CNTN4: variants seen among roughly 807,000 people sequenced by gnomAD.
CNTN4 encodes the protein contactin-4.
In CNTN4, 77 loss-of-function variants were observed where a neutral mutation model predicts 122.5. That is an observed-to-expected ratio of 0.63 (90% confidence interval 0.52 to 0.76). CNTN4 has a LOEUF of 0.76. Among genes scored for constraint, CNTN4 ranks in the 30% least tolerant of loss-of-function variants. The pLI is 0.00. For synonymous variants in CNTN4, 512 were observed against 447.0 expected, an observed-to-expected ratio of 1.15 and a Z score of -1.83; for missense variants, 1,256 against 1,259.1, an observed-to-expected ratio of 1.00 and a Z score of 0.04.
At chr3:2,191,950 G>A (rs1014578949) in intron 2 of CNTN4, among the ~76,000 whole-genome samples, 2 of 151,316 alleles carry the variant, frequency 1.3e-5, no homozygotes, top group African/African-American at 2.4e-5. Flanking sequence ...TCATTGTTCA[G>A]TTCCCACCTA....
intron 17 of CNTN4, 66 bp downstream of exon 17, chr3:3,034,856 A>G: frequency 6.5e-7 from 1 of 1,535,934 alleles, no homozygotes; most frequent in Non-Finnish European, 9.0e-7. Context: ...GCACTGTGGC[A>G]AGGAACGTCT....
chr3:3,046,713 G>A (rs1455100616), intron 23 of CNTN4, among the ~76,000 whole-genome samples: 1 of 152,108 alleles, frequency 6.6e-6, no homozygotes, highest in Admixed American at 6.5e-5. Context: ...GGAAGAAACT[G>A]CATCAACTAC....
chr3:2,915,988 A>G (rs1309673886), intron 12 of CNTN4, among the ~76,000 whole-genome samples: 1 of 152,198 alleles, frequency 6.6e-6, no homozygotes, highest in Admixed American at 6.5e-5. Flanking sequence ...AAACTCATAG[A>G]AACAGAAAGT....
intron 23 of CNTN4, among the ~76,000 whole-genome samples, chr3:3,053,478 T>C (rs1363844905): frequency 6.6e-6 from 1 of 152,256 alleles, no homozygotes; most frequent in African/African-American, 2.4e-5. Flanking sequence ...AGCACCGATG[T>C]GTAACTGAGC....
Position 2,782,008 on chromosome 3 carries a change from C to T in CNTN4, c.358+36311C>T, listed in dbSNP as rs527766072. On this transcript the variant is annotated intron_variant, in intron 6 of 24. Transcript: ENST00000418658. ...AAAGTGCTGAGATTACAGGCATGAG[C>T]CACCGGTAAATTTAAACAATATAAA... Among the ~76,000 whole-genome samples, 9 of 152,006 alleles carry T rather than the reference C, an allele frequency of 5.9e-5. No homozygotes were observed. In the South Asian group the frequency reaches 6.2e-4, roughly 11 times the overall value.
chr3:2,793,681 A>G (rs1447213970), intron 6 of CNTN4, among the ~76,000 whole-genome samples: 6 of 152,206 alleles, frequency 3.9e-5, no homozygotes, highest in Non-Finnish European at 5.9e-5. Flanking sequence ...AGAACTTGAC[A>G]ATCACCTCAC....
chr3:2,315,850 C>T (rs1392801296), intron 2 of CNTN4, among the ~76,000 whole-genome samples: 2 of 152,070 alleles, frequency 1.3e-5, no homozygotes, highest in African/African-American at 4.8e-5. Flanking sequence ...TAAAAAATTA[C>T]ATCCACATGT....
intron 3 of CNTN4, among the ~76,000 whole-genome samples, chr3:2,366,295 T>C (rs1340696519): frequency 6.6e-6 from 1 of 152,216 alleles, no homozygotes; most frequent in Non-Finnish European, 1.5e-5. Flanking sequence ...AATAATGTTG[T>C]CAATTTCATA....
chr3:2,615,803 T>C (rs371128071), intron 4 of CNTN4, among the ~76,000 whole-genome samples: 1 of 152,278 alleles, frequency 6.6e-6, no homozygotes, highest in East Asian at 1.9e-4. Context: ...ACCTAGCCTT[T>C]AGGAATGACC....
chr3:3,007,260 C>G (rs558165284), intron 14 of CNTN4, among the ~76,000 whole-genome samples: 24 of 152,274 alleles, frequency 1.6e-4, no homozygotes, highest in African/African-American at 5.8e-4. Flanking sequence ...ATATATCTGT[C>G]CTGAATTCTG....
At position 2,562,632 on chromosome 3, in the gene CNTN4, G is replaced by C. The variant is rs570196924; in HGVS notation, c.-88-8784G>C. On this transcript the variant is annotated intron_variant, in intron 3 of 24. Coordinates refer to ENST00000418658, the MANE Select transcript of CNTN4 (RefSeq NM_175607.3). The stretch of plus-strand genomic sequence containing the variant: ...AATTTTCTTTAATCCACCATCGATG[G>C]GCACGTAGGTTGATTCTATGACCAT... 2.0e-5 allele frequency among the ~76,000 whole-genome samples: 3 copies of C among 151,864 alleles called. No homozygotes were observed. The East Asian group carries it at 5.8e-4, about 29-fold the overall frequency.
intron 12 of CNTN4, among the ~76,000 whole-genome samples, chr3:2,909,845 C>G (rs1289782388): frequency 6.6e-6 from 1 of 152,134 alleles, no homozygotes; most frequent in Non-Finnish European, 1.5e-5. Context: ...ATATTTCTAA[C>G]AAGTGATGTT....
intron 2 of CNTN4, among the ~76,000 whole-genome samples, chr3:2,243,470 G>A (rs1471333002): frequency 6.6e-6 from 1 of 152,008 alleles, no homozygotes; most frequent in Non-Finnish European, 1.5e-5. Flanking sequence ...ATTGTGGCCT[G>A]AGACAAATTC....
At chr3:2,479,912 T>C (rs1234212383) in intron 3 of CNTN4, among the ~76,000 whole-genome samples, 1 of 152,204 alleles carries the variant, frequency 6.6e-6, no homozygotes, top group African/African-American at 2.4e-5. Context: ...AAAATAATTA[T>C]ACACCACCAC....
chr3:2,142,363 TTTTC>T (rs925647646), intron 2 of CNTN4, among the ~76,000 whole-genome samples: 3 of 152,140 alleles, frequency 2.0e-5, no homozygotes, highest in African/African-American at 4.8e-5. Flanking sequence ...TTTCCTTTTT[TTTTC>T]TTTCTTTTTT....
intron 12 of CNTN4, 118 bp downstream of exon 12, chr3:2,903,123 C>T: frequency 1.0e-6 from 1 of 967,724 alleles, no homozygotes; most frequent in South Asian, 1.5e-5. Context: ...ATCTTTAGGC[C>T]AAAGATGCTA....
intron 3 of CNTN4, among the ~76,000 whole-genome samples, chr3:2,419,842 A>G (rs1302011109): frequency 2.0e-5 from 3 of 152,204 alleles, no homozygotes; most frequent in East Asian, 1.9e-4. Flanking sequence ...TTCCTTCCCT[A>G]TACATGCAAA....
chr3:2,419,628 T>C (rs1338795997), intron 3 of CNTN4, among the ~76,000 whole-genome samples: 3 of 152,114 alleles, frequency 2.0e-5, no homozygotes, highest in Non-Finnish European at 4.4e-5. Context: ...AAATCTAAAA[T>C]GAAATTTTCA....
At chr3:2,253,523 G>C (rs1256911555) in intron 2 of CNTN4, among the ~76,000 whole-genome samples, 1 of 152,024 alleles carries the variant, frequency 6.6e-6, no homozygotes, top group African/African-American at 2.4e-5. Context: ...AAGGTCTACT[G>C]ACTAATTTTT....
Sources: allele counts gnomAD v4.1 joint callset (sites outside exome capture counted in the v4.1 genomes callset), GRCh38; gene constraint gnomAD v4.1.1; transcripts MANE v1.5; gene names NCBI Gene and HGNC (gene_info 2026-07-23, HGNC 2026-07-21).